Variants in RTL4 observed in about 807,000 individuals in gnomAD.
RTL4 encodes the protein retrotransposon Gag-like protein 4.
Under a neutral mutation model 5.3 loss-of-function variants are expected in RTL4, and 4 were observed. That is an observed-to-expected ratio of 0.75 (90% CI 0.37 to 1.72). The LOEUF is 1.72. Ranked by LOEUF, RTL4 falls within the 40% of genes most tolerant of loss-of-function variation. The probability of loss-of-function intolerance (pLI) is 0.04; values close to 1 mark genes in which losing one functional copy is unlikely to be tolerated. For missense variants in RTL4, 260 were observed against 227.1 expected (o/e 1.14, Z -0.93); for synonymous variants, 98 against 87.3 (o/e 1.12, Z -0.68).
the RTL4 span, among the ~76,000 whole-genome samples, chrX:112,327,256 GA>G: frequency 9.0e-6 from 1 of 111,457 alleles, no homozygotes; most frequent in Non-Finnish European, 1.9e-5. Flanking sequence ...TGAAAACTTT[GA>G]AAAAAATTTG....
At chrX:112,231,951 C>G in the RTL4 span, among the ~76,000 whole-genome samples, 109 of 111,881 alleles carry the variant, frequency 9.7e-4, no homozygotes, top group Middle Eastern at 4.6e-3. Context: ...CTATGTTCCA[C>G]TGCTTCCATA....
At chrX:112,353,168 A>G in the RTL4 span, among the ~76,000 whole-genome samples, 2 of 111,938 alleles carry the variant, frequency 1.8e-5, no homozygotes, top group Non-Finnish European at 3.8e-5. Flanking sequence ...GTGATCATGA[A>G]GAAGTCAGGA....
chrX:112,193,952 G>T, the RTL4 span, among the ~76,000 whole-genome samples: 1 of 111,725 alleles, frequency 9.0e-6, no homozygotes, highest in Non-Finnish European at 1.9e-5. Context: ...GGTCTCATGA[G>T]CTTCCTTAGT....
At chrX:112,121,989 T>C in the RTL4 span, among the ~76,000 whole-genome samples, 1 of 111,617 alleles carries the variant, frequency 9.0e-6, no homozygotes, top group Non-Finnish European at 1.9e-5. Flanking sequence ...TTAAGGAGAT[T>C]TTAAAAACCT....
chrX:112,105,030 C>T, the RTL4 span, among the ~76,000 whole-genome samples: 1 of 111,762 alleles, frequency 8.9e-6, no homozygotes, highest in Non-Finnish European at 1.9e-5. Context: ...TCAGATCGTA[C>T]ATTTAATTCT....
the RTL4 span, among the ~76,000 whole-genome samples, chrX:112,408,856 G>A: frequency 8.9e-6 from 1 of 112,433 alleles, no homozygotes; most frequent in African/African-American, 3.2e-5. Flanking sequence ...CCTTTCCGTG[G>A]AGAAAGTGGC....
chrX:112,338,992 T>C, the RTL4 span, among the ~76,000 whole-genome samples: 3 of 111,600 alleles, frequency 2.7e-5, no homozygotes, highest in African/African-American at 6.5e-5. Context: ...ATAAATTGTA[T>C]GTACGTGAGA....
chrX:112,091,878 C>T, the RTL4 span, among the ~76,000 whole-genome samples: 10 of 110,619 alleles, frequency 9.0e-5, no homozygotes, highest in East Asian at 2.3e-3. Context: ...CCCTTTAATC[C>T]TTGCTTTGTA....
At chrX:112,355,573 G>A in the RTL4 span, among the ~76,000 whole-genome samples, 1 of 111,250 alleles carries the variant, frequency 9.0e-6, no homozygotes, top group African/African-American at 3.3e-5. Context: ...TTGGGCCCTT[G>A]CTACTTCTGC....
the RTL4 span, among the ~76,000 whole-genome samples, chrX:112,417,226 G>C: frequency 1.8e-5 from 2 of 111,687 alleles, no homozygotes; most frequent in Non-Finnish European, 1.9e-5. Flanking sequence ...GGCACAGATT[G>C]AAGATGGACC....
the RTL4 span, among the ~76,000 whole-genome samples, chrX:112,222,878 T>G: frequency 8.9e-6 from 1 of 112,452 alleles, no homozygotes; most frequent in African/African-American, 3.2e-5. Context: ...GTGAAAGAAG[T>G]GTGGGTGAGG....
the RTL4 span, among the ~76,000 whole-genome samples, chrX:112,310,867 A>T: frequency 2.2e-5 from 2 of 92,226 alleles, no homozygotes; most frequent in African/African-American, 7.9e-5. Flanking sequence ...ATATATTTAC[A>T]TATATATAAA....
At chrX:112,293,790 T>C in the RTL4 span, among the ~76,000 whole-genome samples, 1 of 111,946 alleles carries the variant, frequency 8.9e-6, no homozygotes, top group Non-Finnish European at 1.9e-5. Context: ...GGAAAGCCAG[T>C]GGTTATTCAA....
At chrX:112,135,895 C>CATAT in the RTL4 span, among the ~76,000 whole-genome samples, 2 of 103,754 alleles carry the variant, frequency 1.9e-5, no homozygotes, top group Non-Finnish European at 3.9e-5. Context: ...ATAATACATA[C>CATAT]ATATATATAT....
At chrX:112,214,234 G>A in the RTL4 span, among the ~76,000 whole-genome samples, 3 of 111,211 alleles carry the variant, frequency 2.7e-5, no homozygotes, top group Non-Finnish European at 5.7e-5. Flanking sequence ...TAACTATTTT[G>A]GATTCCTCTT....
chrX:112,365,316 T>C, the RTL4 span, among the ~76,000 whole-genome samples: 62 of 110,771 alleles, frequency 5.6e-4, no homozygotes, highest in African/African-American at 2.0e-3. Context: ...AGAGATTAGA[T>C]TGGAGAGATA....
the RTL4 span, among the ~76,000 whole-genome samples, chrX:112,304,308 G>A: frequency 1.8e-5 from 2 of 111,169 alleles, no homozygotes; most frequent in Non-Finnish European, 3.8e-5. Context: ...GTGTGTGTGC[G>A]TGTGTGTTTG....
At chrX:112,199,288 CAAAAAAAAAAA>C in the RTL4 span, among the ~76,000 whole-genome samples, 1 of 34,174 alleles carries the variant, frequency 2.9e-5, no homozygotes, top group Non-Finnish European at 5.7e-5. Context: ...GGCTCCGTCT[CAAAAAAAAAAA>C]AAAAAAAAAG....
chrX:112,093,438 C>G, the RTL4 span, among the ~76,000 whole-genome samples: 3 of 111,377 alleles, frequency 2.7e-5, no homozygotes, highest in East Asian at 8.5e-4. Flanking sequence ...CCATCACTGA[C>G]CAGCCAACAT....
Sources: gnomAD v4.1 joint callset for allele counts (sites outside exome capture counted in the v4.1 genomes callset) on GRCh38, gnomAD v4.1.1 for gene constraint, MANE v1.5 for transcripts, NCBI Gene and HGNC (gene_info 2026-07-23, HGNC 2026-07-21) for gene names.